Variants in MMD2 observed in about 807,000 individuals in gnomAD.
The protein encoded by MMD2 is monocyte to macrophage differentiation associated 2, also known as monocyte to macrophage differentiation factor 2.
Under a neutral mutation model 33.5 loss-of-function variants are expected in MMD2, and 30 were observed. The ratio of observed to expected loss-of-function variants is 0.90; its 90% CI spans 0.67 to 1.22. The LOEUF (loss-of-function observed/expected upper bound fraction) is 1.22. Ranked by LOEUF, MMD2 falls within the 50% of genes most tolerant of loss-of-function variation. The pLI is 0.00. For missense variants in MMD2, 364 were observed against 325.4 expected, an observed-to-expected ratio of 1.12 and a Z score of -0.91; for synonymous variants, 129 against 123.0, an observed-to-expected ratio of 1.05 and a Z score of -0.32.
the MMD2 span, among the ~76,000 whole-genome samples, chr7:4,894,570 G>A: frequency 2.0e-5 from 3 of 152,200 alleles, no homozygotes; most frequent in East Asian, 1.9e-4. The surrounding 1 kb of genome is among the most constrained non-coding windows in gnomAD (Gnocchi z 4.3). Context: ...GCCAGGTACC[G>A]GACATCTCAA....
chr7:4,909,483 C>A (rs1401104454), intron 6 of MMD2, among the ~76,000 whole-genome samples: 1 of 151,992 alleles, frequency 6.6e-6, no homozygotes, highest in African/African-American at 2.4e-5. Context: ...ACTGTTGTAG[C>A]CCAGGCTGGA....
chr7:4,949,727 G>T (rs12534375), intron 1 of MMD2, among the ~76,000 whole-genome samples: 26,562 of 151,780 alleles, frequency 0.18, 2,743 homozygotes, highest in East Asian at 0.32. Context: ...GGCCAGGATG[G>T]TCTCGAACTC....
In MMD2 at chr7:4,916,079, C is replaced by G; in HGVS notation, c.291G>C (p.Arg97Ser). 1 of 1,613,506 alleles carries G rather than the reference C, an allele frequency of 6.2e-7. No homozygotes were observed. The highest frequency in any genetic ancestry group is 8.5e-7 in the Non-Finnish European group (1 of 1,179,754). The change falls in exon 4 of 7, where the codon AGG becomes AGC. Residue 97 changes from arginine (R) to serine (S), a missense_variant and splice_region_variant. Transcript: ENST00000401401. ...ACATGTGTAGACAGTGTTCCACCAT[C>G]CTAGGGCGGCAGAGAAGCCGGCAGT... ...HTISWKKSHL[R>S]MVEHCLHMFD...
chr7:4,898,903 AAAAG>A, the MMD2 span, among the ~76,000 whole-genome samples: 6 of 152,108 alleles, frequency 3.9e-5, no homozygotes, highest in Non-Finnish European at 7.4e-5. Flanking sequence ...TGTCTCAGAA[AAAAG>A]AAAGAAAGAG....
intron 1 of MMD2, among the ~76,000 whole-genome samples, chr7:4,928,324 T>A (rs1230715494): frequency 2.6e-5 from 4 of 152,170 alleles, no homozygotes; most frequent in African/African-American, 9.6e-5. Flanking sequence ...ATATCAGGAG[T>A]GCATGGAGCA....
chr7:4,915,729 G>A (rs535947309), intron 4 of MMD2, among the ~76,000 whole-genome samples: 21 of 122,912 alleles, frequency 1.7e-4, no homozygotes, highest in African/African-American at 6.0e-4. Flanking sequence ...GACAGAGTGA[G>A]ATTCTGTCTC....
Position 4,937,380 on chromosome 7 carries a change from G to A in MMD2, c.48-11848C>T, listed in dbSNP as rs547561049. On this transcript the variant is annotated intron_variant, in intron 1 of 6. Transcript: ENST00000401401. The stretch of plus-strand genomic sequence containing the variant: ...CTACTGTGCTCCAGCCTGGGCAACA[G>A]AGAGAGACTCTGTCACAAAAAGAAA... 6.0e-5 allele frequency among the ~76,000 whole-genome samples: 9 copies of A among 150,888 alleles called. No homozygotes were observed. In the Middle Eastern group the frequency reaches 0.01, roughly 171 times the overall value.
intron 1 of MMD2, among the ~76,000 whole-genome samples, chr7:4,928,746 T>C (rs1248173997): frequency 6.6e-6 from 1 of 150,896 alleles, no homozygotes; most frequent in African/African-American, 2.4e-5. Flanking sequence ...GCTCCCCTTC[T>C]GTATGCTGGC....
chr7:4,938,471 T>C (rs965302651), intron 1 of MMD2, among the ~76,000 whole-genome samples: 6 of 152,044 alleles, frequency 3.9e-5, no homozygotes, highest in African/African-American at 1.4e-4. Context: ...TCTCTTTTTC[T>C]CCTCTCTAAA....
chr7:4,930,271 C>CAAA (rs770469673), intron 1 of MMD2, among the ~76,000 whole-genome samples: 1,065 of 47,122 alleles, frequency 0.023, 44 homozygotes, highest in East Asian at 0.13. Flanking sequence ...GACTCCATCT[C>CAAA]AAAAAAAAAA....
At chr7:4,905,405 TGGA>T (rs1282480024), downstream of MMD2, among the ~76,000 whole-genome samples, 35 of 74,890 alleles carry the variant, frequency 4.7e-4, no homozygotes, top group African/African-American at 1.3e-3. The surrounding 1 kb of genome is among the most constrained non-coding windows in gnomAD (Gnocchi z 5.0). Context: ...GAGGAGGAAG[TGGA>T]GGAGGAGGAG....
At chr7:4,912,517 G>T (rs536999740) in intron 4 of MMD2, among the ~76,000 whole-genome samples, 7 of 148,194 alleles carry the variant, frequency 4.7e-5, no homozygotes, top group Non-Finnish European at 9.0e-5. Context: ...AGCCAAGATC[G>T]CGCCACTGCA....
chr7:4,909,769 G>C (rs1316411286), intron 6 of MMD2, 112 bp downstream of exon 6: 1 of 1,446,422 alleles, frequency 6.9e-7, no homozygotes, highest in South Asian at 1.2e-5. Context: ...CCAGGCCTCA[G>C]TTTCCCCGCC....
At position 4,909,937 on chromosome 7, in the gene MMD2, C is replaced by G; in HGVS notation, c.481G>C (p.Glu161Gln). The change falls in exon 6 of 7, where the codon GAG becomes CAG. Residue 161 changes from glutamate (E) to glutamine (Q), a missense_variant. Coordinates refer to ENST00000401401, the MANE Select transcript of MMD2 (RefSeq NM_198403.4). The part of the protein sequence containing the change: ...FFFHERYKLV[E>Q]LLCYVVMGFF... ...CCCATTACGACGTAGCAGAGAAGCT[C>G]CACAAGCTTGTACCTGGCAGGAAGA... is the stretch of plus-strand genomic sequence containing the variant. The G allele has an allele frequency of 6.2e-7, 1 of 1,613,938 alleles. No homozygotes were observed. Among genetic ancestry groups the G allele is most frequent in the South Asian group, 1.1e-5 (1 of 91,082 alleles).
chr7:4,898,590 A>C, the MMD2 span, among the ~76,000 whole-genome samples: 1 of 152,052 alleles, frequency 6.6e-6, no homozygotes, highest in Non-Finnish European at 1.5e-5. Context: ...CTCCAAGGTG[A>C]TGGTATTAAG....
At chr7:4,948,937 G>C (rs1172308228) in intron 1 of MMD2, among the ~76,000 whole-genome samples, 1 of 152,092 alleles carries the variant, frequency 6.6e-6, no homozygotes, top group Non-Finnish European at 1.5e-5. Flanking sequence ...TTGGCCTCCA[G>C]AGCAGCTGGG....
chr7:4,931,445 G>A (rs138908331), intron 1 of MMD2, among the ~76,000 whole-genome samples: 1,837 of 150,648 alleles, frequency 0.012, 37 homozygotes, highest in African/African-American at 0.041. Flanking sequence ...GAGCCACTGC[G>A]CCTGGCCTCT....
At position 4,940,583 on chromosome 7, in the gene MMD2, C is replaced by T. The variant is rs566560501; in HGVS notation, c.48-15051G>A. Among the ~76,000 whole-genome samples the T allele has an allele frequency of 5.3e-5, 8 of 152,360 alleles. 1 individual carries two copies. The South Asian group carries it at 1.7e-3, about 32-fold the overall frequency. On this transcript the variant is annotated intron_variant, in intron 1 of 6. Coordinates refer to ENST00000401401, the MANE Select transcript of MMD2 (RefSeq NM_198403.4). This position sits in a 1 kb window ranked among gnomAD's most constrained non-coding sequence, Gnocchi z 5.0. ...TCTCCCCCTCTCCGCTTGGCCCTGG[C>T]CGCTTCTTTGTGTCCATTCATGAAT...
the MMD2 span, among the ~76,000 whole-genome samples, chr7:4,894,916 C>T: frequency 6.6e-6 from 1 of 152,004 alleles, no homozygotes; most frequent in Non-Finnish European, 1.5e-5. The surrounding 1 kb of genome is among the most constrained non-coding windows in gnomAD (Gnocchi z 4.3). Context: ...TCTCAGCCAT[C>T]CATGGGGAAT....
Sources: allele counts gnomAD v4.1 joint callset (sites outside exome capture counted in the v4.1 genomes callset), GRCh38; gene constraint gnomAD v4.1.1; non-coding constraint Gnocchi (gnomAD v3.1); transcripts MANE v1.5; gene names NCBI Gene and HGNC (gene_info 2026-07-23, HGNC 2026-07-21).